GMDS: variants seen among roughly 807,000 people sequenced by gnomAD.
GMDS encodes the protein GDP-mannose 4,6 dehydratase.
GMDS carries 20 observed loss-of-function variants against 49.9 expected under a neutral mutation model. That is an observed-to-expected ratio of 0.40 (90% CI 0.28 to 0.58). GMDS has a LOEUF of 0.58. Ranked by LOEUF, GMDS falls within the 20% of genes least tolerant of loss-of-function variation. The pLI is 0.42. For synonymous variants in GMDS, 177 were observed against 178.6 expected (o/e 0.99, Z 0.07); for missense variants, 362 against 481.4 (o/e 0.75, Z 2.32).
intron 4 of GMDS, among the ~76,000 whole-genome samples, chr6:2,011,509 C>T (rs528712417): frequency 1.6e-4 from 24 of 152,240 alleles, no homozygotes; most frequent in African/African-American, 4.1e-4. Flanking sequence ...ATGTTTATCA[C>T]GGAACTATTC....
chr6:2,145,879 G>T (rs1373952354), intron 1 of GMDS, among the ~76,000 whole-genome samples: 1 of 152,106 alleles, frequency 6.6e-6, no homozygotes, highest in African/African-American at 2.4e-5. Context: ...TATACAGGAG[G>T]ATGTACGTAA....
chr6:1,689,202 T>C (rs1765085877), intron 9 of GMDS, among the ~76,000 whole-genome samples: 1 of 152,202 alleles, frequency 6.6e-6, no homozygotes, highest in African/African-American at 2.4e-5. Flanking sequence ...GATTCCATAC[T>C]TCAAACTTGG....
chr6:2,224,096 G>C (rs9503128), intron 1 of GMDS, among the ~76,000 whole-genome samples: 3,566 of 152,276 alleles, frequency 0.023, 148 homozygotes, highest in African/African-American at 0.079. Flanking sequence ...GTTTAGCCGT[G>C]AAAGGTAATT....
intron 9 of GMDS, among the ~76,000 whole-genome samples, chr6:1,691,552 C>CA (rs1765175340): frequency 6.6e-6 from 1 of 152,154 alleles, no homozygotes; most frequent in Admixed American, 6.5e-5. Flanking sequence ...TAGAAGTCTA[C>CA]TATTACCTAT....
intron 1 of GMDS, among the ~76,000 whole-genome samples, chr6:2,151,639 T>C (rs1776849174): frequency 6.6e-6 from 1 of 152,104 alleles, no homozygotes; most frequent in South Asian, 2.1e-4. Flanking sequence ...TACTAAGCCT[T>C]GCTATTAACA....
Position 1,624,580 on chromosome 6 carries a change from T to TG in GMDS, c.988-41dup, listed in dbSNP as rs778329130. ...GGGGAGACGAAGCAGGCGTGGGTCG[T>TG]GGGGGTGGGGGCAGCAGGTCCCGAG... On this transcript the variant is annotated intron_variant, in intron 9 of 10. Coordinates refer to ENST00000380815, the MANE Select transcript of GMDS (RefSeq NM_001500.4). The TG allele has an allele frequency of 4.3e-6, 6 of 1,396,048 alleles. No individual in the cohort carries two copies. In the African/African-American group the frequency reaches 7.1e-5, roughly 17 times the overall value. The allele number at this position is 1,396,048 out of a possible 1,614,324, so 86.5% of individuals were successfully genotyped here.
rs544313758 is a variant in GMDS at position 1,752,909 on chromosome 6, G to A, written c.772-10323C>T. On this transcript the variant is annotated intron_variant, in intron 7 of 10. Coordinates refer to ENST00000380815, the MANE Select transcript of GMDS (RefSeq NM_001500.4). ...ACACTAAATATGGAAAGGAAAAACCGGTACCATCCACTGCAAAAACATGCC... is the reference window on the plus strand; with the variant it reads ...ACACTAAATATGGAAAGGAAAAACCAGTACCATCCACTGCAAAAACATGCC... Among the ~76,000 whole-genome samples the A allele has an allele frequency of 4.3e-4, 66 of 152,180 alleles. 1 individual carries two copies. In the South Asian group the frequency reaches 0.011, roughly 26 times the overall value.
Position 2,142,948 on chromosome 6 carries a change from C to T in GMDS, c.103-18217G>A, listed in dbSNP as rs1776377819. On this transcript the variant is annotated intron_variant, in intron 1 of 10. Coordinates refer to ENST00000380815, the MANE Select transcript of GMDS (RefSeq NM_001500.4). ...TCCAGCTGCCCCTGTCCCTCACACA[C>T]TCATTCAGTGGAACTCACAATTCTA... 2.0e-5 allele frequency among the ~76,000 whole-genome samples: 3 copies of T among 152,134 alleles called. No individual in the cohort carries two copies. In the South Asian group the frequency reaches 6.2e-4, roughly 32 times the overall value.
chr6:2,182,875 T>A (rs1014962934), intron 1 of GMDS, among the ~76,000 whole-genome samples: 3 of 152,042 alleles, frequency 2.0e-5, no homozygotes, highest in Admixed American at 2.0e-4. Context: ...CCAGGCTAAT[T>A]TTTGTATTTT....
chr6:1,745,557 G>A (rs73716369), intron 7 of GMDS, among the ~76,000 whole-genome samples: 13,692 of 152,092 alleles, frequency 0.09, 1,982 homozygotes, highest in African/African-American at 0.31. Context: ...TTTTGTTCCC[G>A]GCAGGAATCT....
At chr6:1,775,479 T>A (rs2113592679) in intron 7 of GMDS, among the ~76,000 whole-genome samples, 1 of 152,312 alleles carries the variant, frequency 6.6e-6, no homozygotes, top group Non-Finnish European at 1.5e-5. Flanking sequence ...TTACCACAAG[T>A]ATACAAATCA....
rs1285013159 is a variant in GMDS, at chr6:2,052,116, C to CAAAAAAAAAAAA, written c.345+63643_345+63654dup. Among the ~76,000 whole-genome samples, 263 of 43,492 alleles carry CAAAAAAAAAAAA rather than the reference C, an allele frequency of 6.0e-3. 6 individuals carry two copies. The highest frequency in any genetic ancestry group is 0.022 in the Middle Eastern group (2 of 90). The allele number at this position is 43,492 out of a possible 152,430, so 28.5% of individuals were successfully genotyped here. Reference sequence around the variant, plus strand: ...TGGGTGACAGAGCAAGACTCTGTCTCAAAAAAAAAAAAAAGAAAAAAAAAA... The same window carrying CAAAAAAAAAAAA: ...TGGGTGACAGAGCAAGACTCTGTCTCAAAAAAAAAAAAAAAAAAAAAAAAAAGAAAAAAAAAA... On this transcript the variant is annotated intron_variant, in intron 4 of 10. Transcript: ENST00000380815.
rs116880628 is a variant in GMDS at position 1,789,230 on chromosome 6, C to T, written c.772-46644G>A. 4.9e-4 allele frequency among the ~76,000 whole-genome samples: 74 copies of T among 152,342 alleles called. 3 individuals carry two copies. The East Asian group carries it at 0.014, about 29-fold the overall frequency. On this transcript the variant is annotated intron_variant, in intron 7 of 10. Transcript: ENST00000380815. ...CAACGTGTTCACTACCCAGAAGCTG[C>T]ACTGCCCAGGGTTTCTATTGAGGTT...
At chr6:1,899,497 G>A (rs966200435) in intron 7 of GMDS, among the ~76,000 whole-genome samples, 16 of 152,204 alleles carry the variant, frequency 1.1e-4, no homozygotes, top group Admixed American at 2.0e-4. Flanking sequence ...AGTAGACTCC[G>A]TTCAAGAGAG....
chr6:2,069,332 T>A (rs1053373393), intron 4 of GMDS, among the ~76,000 whole-genome samples: 7 of 152,090 alleles, frequency 4.6e-5, no homozygotes, highest in African/African-American at 7.2e-5. Context: ...AAACCTAGGC[T>A]TTACCATTCA....
At chr6:1,663,070 T>C (rs964758021) in intron 9 of GMDS, among the ~76,000 whole-genome samples, 1 of 152,246 alleles carries the variant, frequency 6.6e-6, no homozygotes, top group African/African-American at 2.4e-5. Flanking sequence ...TCTGATTTCC[T>C]TTAGCCAGAT....
intron 7 of GMDS, among the ~76,000 whole-genome samples, chr6:1,854,371 T>C (rs553160297): frequency 1.1e-3 from 161 of 152,344 alleles, no homozygotes; most frequent in African/African-American, 3.7e-3. Flanking sequence ...CAGATTTTGT[T>C]GTAAACACCA....
At chr6:1,740,803 A>T (rs4140587) in intron 8 of GMDS, among the ~76,000 whole-genome samples, 149,173 of 152,236 alleles carry the variant, frequency 0.98, 73,100 homozygotes, top group East Asian at 1. Context: ...CTTCCTATCT[A>T]TATGCTATTT....
At chr6:1,851,863 C>A (rs924632412) in intron 7 of GMDS, among the ~76,000 whole-genome samples, 1 of 152,186 alleles carries the variant, frequency 6.6e-6, no homozygotes, top group Admixed American at 6.5e-5. Context: ...ACTTTCCAAA[C>A]GACAGGCTCC....
Sources: gnomAD v4.1 joint callset for allele counts (sites outside exome capture counted in the v4.1 genomes callset) on GRCh38, gnomAD v4.1.1 for gene constraint, MANE v1.5 for transcripts, NCBI Gene and HGNC (gene_info 2026-07-23, HGNC 2026-07-21) for gene names.